Variants in SGCD observed in about 807,000 individuals in gnomAD.
SGCD encodes the protein delta-sarcoglycan.
SGCD carries 18 observed loss-of-function variants against 36.6 expected under a neutral mutation model. That is an observed-to-expected ratio of 0.49 (90% CI 0.34 to 0.73). SGCD has a LOEUF of 0.73. SGCD is among the 30% of genes least tolerant of loss of function. SGCD has a pLI of 0.01. For missense variants in SGCD, 387 were observed against 346.7 expected, an observed-to-expected ratio of 1.12 and a Z score of -0.92; for synonymous variants, 133 against 130.6, an observed-to-expected ratio of 1.02 and a Z score of -0.12.
intron 3 of SGCD, among the ~76,000 whole-genome samples, chr5:156,394,580 C>T (rs891578429): frequency 2.6e-5 from 4 of 152,278 alleles, no homozygotes; most frequent in Non-Finnish European, 2.9e-5. Context: ...TTTGGGGGCT[C>T]CTTCCTCCAC....
intron 3 of SGCD, among the ~76,000 whole-genome samples, chr5:156,142,383 G>A (rs1300468750): frequency 6.6e-6 from 1 of 152,180 alleles, no homozygotes; most frequent in Admixed American, 6.5e-5. Flanking sequence ...AAGAAGTGGG[G>A]CATTGCTATA....
intron 3 of SGCD, among the ~76,000 whole-genome samples, chr5:156,378,245 A>G (rs1770780719): frequency 6.6e-6 from 1 of 152,242 alleles, no homozygotes; most frequent in African/African-American, 2.4e-5. Flanking sequence ...AGTCATTTAC[A>G]AAACTCAAAT....
intron 3 of SGCD, among the ~76,000 whole-genome samples, chr5:156,423,313 T>A (rs1580969699): frequency 1.0e-5 from 1 of 98,844 alleles, no homozygotes; most frequent in South Asian, 2.6e-4. Flanking sequence ...TATTTTATTA[T>A]AATATAATAT....
Position 156,053,942 on chromosome 5 carries a change from G to A in SGCD, c.-281-63936G>A, listed in dbSNP as rs1759989263. Among the ~76,000 whole-genome samples the A allele has an allele frequency of 1.4e-5, 2 of 145,548 alleles. 1 individual carries two copies. Among genetic ancestry groups the A allele is most frequent in the Admixed American group, 1.4e-4 (2 of 14,500 alleles). The stretch of plus-strand genomic sequence containing the variant: ...GCTCATCTGAGCTGCTTCTGTAGGG[G>A]CACTGATTCCATTGACGAGGGTAGA... On this transcript the variant is annotated intron_variant, in intron 1 of 9. Coordinates refer to the SGCD transcript ENST00000517913.
At chr5:156,611,303 A>G (rs777692852) in intron 6 of SGCD, among the ~76,000 whole-genome samples, 1 of 152,192 alleles carries the variant, frequency 6.6e-6, no homozygotes. Flanking sequence ...TTTGTAAGTT[A>G]TGACGAATTC....
At chr5:155,743,420 A>G in the SGCD span, among the ~76,000 whole-genome samples, 2 of 152,224 alleles carry the variant, frequency 1.3e-5, no homozygotes, top group African/African-American at 4.8e-5. Context: ...ACTGTCTCAG[A>G]AAACAGGTCA....
intron 1 of SGCD, among the ~76,000 whole-genome samples, chr5:155,954,372 G>A (rs1757604814): frequency 6.6e-6 from 1 of 152,124 alleles, no homozygotes; most frequent in African/African-American, 2.4e-5. Flanking sequence ...ACACAAAGCA[G>A]CACATACACA....
At chr5:156,150,994 T>TA (rs1157843113) in intron 3 of SGCD, among the ~76,000 whole-genome samples, 5 of 151,466 alleles carry the variant, frequency 3.3e-5, no homozygotes, top group African/African-American at 9.8e-5. Flanking sequence ...TAGATAAACA[T>TA]AAAAAAGGTA....
the SGCD span, among the ~76,000 whole-genome samples, chr5:155,806,442 C>T: frequency 6.6e-6 from 1 of 152,222 alleles, no homozygotes; most frequent in Non-Finnish European, 1.5e-5. Flanking sequence ...CATAAGCCAT[C>T]GTGCCCAGCC....
the SGCD span, among the ~76,000 whole-genome samples, chr5:155,843,636 T>A: frequency 2.0e-5 from 3 of 152,252 alleles, no homozygotes; most frequent in Non-Finnish European, 1.5e-5. Context: ...GATCTTCTCA[T>A]TCTGCCTGTG....
At chr5:155,755,033 GATA>G in the SGCD span, among the ~76,000 whole-genome samples, 14 of 152,264 alleles carry the variant, frequency 9.2e-5, no homozygotes, top group South Asian at 2.1e-4. Context: ...TCTGAACTGT[GATA>G]ATAATGTACA....
intron 6 of SGCD, among the ~76,000 whole-genome samples, chr5:156,630,070 C>T (rs1460309010): frequency 6.6e-6 from 1 of 151,832 alleles, no homozygotes; most frequent in Non-Finnish European, 1.5e-5. Context: ...ACCATGTTGG[C>T]CAGGATGGTC....
chr5:156,289,839 T>G (rs1040392563), intron 3 of SGCD, among the ~76,000 whole-genome samples: 1 of 152,030 alleles, frequency 6.6e-6, no homozygotes, highest in African/African-American at 2.4e-5. Flanking sequence ...TCAATAAATG[T>G]TCTCTGAGAA....
chr5:156,416,457 C>G (rs1483153358), intron 3 of SGCD, among the ~76,000 whole-genome samples: 2 of 152,030 alleles, frequency 1.3e-5, no homozygotes, highest in Admixed American at 6.6e-5. Context: ...TCAGATAGCA[C>G]CACTAAAGAA....
chr5:156,087,838 G>A (rs1761140107), intron 1 of SGCD, among the ~76,000 whole-genome samples: 1 of 152,134 alleles, frequency 6.6e-6, no homozygotes, highest in South Asian at 2.1e-4. Flanking sequence ...GATTGTACCA[G>A]CGAAAAATGT....
intron 3 of SGCD, among the ~76,000 whole-genome samples, chr5:156,395,234 C>T (rs1237833728): frequency 6.6e-6 from 1 of 152,172 alleles, no homozygotes; most frequent in Non-Finnish European, 1.5e-5. Flanking sequence ...TTTAGGAATG[C>T]CTTGCTTGCA....
At chr5:156,660,183 TCTA>T (rs1483840835) in intron 7 of SGCD, among the ~76,000 whole-genome samples, 8 of 151,378 alleles carry the variant, frequency 5.3e-5, no homozygotes, top group Admixed American at 3.3e-4. Flanking sequence ...AGTAGGTACT[TCTA>T]CCAACCAATT....
At chr5:155,925,928 T>G (rs922250671) in intron 1 of SGCD, among the ~76,000 whole-genome samples, 6 of 151,946 alleles carry the variant, frequency 3.9e-5, no homozygotes, top group Non-Finnish European at 8.8e-5. Context: ...CAACTTTTTT[T>G]TTTTTGTTTT....
At chr5:156,692,866 A>T (rs896436475) in intron 7 of SGCD, among the ~76,000 whole-genome samples, 3 of 152,240 alleles carry the variant, frequency 2.0e-5, no homozygotes, top group Non-Finnish European at 4.4e-5. Context: ...AAGTTTGTAG[A>T]CAAAATTTAG....
Sources: gnomAD v4.1 joint callset for allele counts (sites outside exome capture counted in the v4.1 genomes callset) on GRCh38, gnomAD v4.1.1 for gene constraint, MANE v1.5 for transcripts, NCBI Gene and HGNC (gene_info 2026-07-23, HGNC 2026-07-21) for gene names.